RALY: variants seen among roughly 807,000 people sequenced by gnomAD.
The protein encoded by RALY is RALY heterogeneous nuclear ribonucleoprotein.
In RALY, 15 loss-of-function variants were observed where a neutral mutation model predicts 30.7. The observed-to-expected ratio is 0.49, with a 90% confidence interval of 0.33 to 0.75. The LOEUF (loss-of-function observed/expected upper bound fraction) is 0.75. RALY is among the 30% of genes least tolerant of loss of function. The pLI, the probability that RALY is intolerant of heterozygous loss-of-function variation, is 0.02. For synonymous variants in RALY, 177 were observed against 170.8 expected (o/e 1.04, Z -0.28); for missense variants, 339 against 414.3 (o/e 0.82, Z 1.58).
intron 1 of RALY, among the ~76,000 whole-genome samples, chr20:34,021,145 A>T (rs1285957656): frequency 6.6e-6 from 1 of 152,050 alleles, no homozygotes; most frequent in Non-Finnish European, 1.5e-5. Context: ...TATTGTTAGT[A>T]GAGATGGGGT....
At chr20:34,070,109 A>C (rs558788000) in intron 2 of RALY, among the ~76,000 whole-genome samples, 2 of 152,344 alleles carry the variant, frequency 1.3e-5, no homozygotes, top group Admixed American at 1.3e-4. Flanking sequence ...TAAGAGATAC[A>C]GATGTATCTT....
intron 1 of RALY, among the ~76,000 whole-genome samples, chr20:34,020,824 G>A (rs2031791403): frequency 6.6e-6 from 1 of 152,204 alleles, no homozygotes; most frequent in East Asian, 1.9e-4. Flanking sequence ...GAAGATAAAT[G>A]TCAGAACTAG....
At chr20:34,069,965 G>C (rs924108990) in intron 2 of RALY, among the ~76,000 whole-genome samples, 2 of 152,150 alleles carry the variant, frequency 1.3e-5, no homozygotes, top group Non-Finnish European at 2.9e-5. Context: ...AACCCTGGGA[G>C]CAGTTTCTTC....
At position 34,063,110 on chromosome 20, in the gene RALY, G is replaced by T. The variant is rs764975921; in HGVS notation, c.-9-8956G>T. ...CTCTGTCATTTCCTGGCTTGAGCAA[G>T]ACCAGACACCAAGCTTTGGTTTCAT... On this transcript the variant is annotated intron_variant, in intron 2 of 9. Coordinates refer to ENST00000246194, the MANE Select transcript of RALY (RefSeq NM_016732.3). Among the ~76,000 whole-genome samples the T allele has an allele frequency of 6.5e-4, 99 of 152,340 alleles. 1 individual carries two copies. The highest frequency in any genetic ancestry group is 4.0e-4 in the Non-Finnish European group (27 of 68,032).
chr20:34,071,932 T>C, intron 2 of RALY, 134 bp from the exon 3 acceptor site: 1 of 1,007,698 alleles, frequency 9.9e-7, no homozygotes, highest in Non-Finnish European at 1.4e-6. Flanking sequence ...GAAAACAAGA[T>C]GCAGGAACAG....
At chr20:34,024,324 C>T (rs1009993516) in intron 1 of RALY, among the ~76,000 whole-genome samples, 3 of 152,186 alleles carry the variant, frequency 2.0e-5, no homozygotes, top group Non-Finnish European at 2.9e-5. Flanking sequence ...CCAACTGTCT[C>T]ATTAGCATGG....
chr20:33,995,356 C>A (rs537254290), intron 1 of RALY, among the ~76,000 whole-genome samples: 1 of 152,254 alleles, frequency 6.6e-6, no homozygotes, highest in South Asian at 2.1e-4. Context: ...TGGTGTGTTC[C>A]TCCTCCCAGA....
intron 2 of RALY, among the ~76,000 whole-genome samples, chr20:34,058,731 T>A (rs1260024685): frequency 6.6e-6 from 1 of 152,200 alleles, no homozygotes; most frequent in Non-Finnish European, 1.5e-5. Flanking sequence ...TAGTAAGTGC[T>A]GATCCTGGAT....
chr20:34,074,069 C>T lies in RALY; in HGVS notation c.377+203C>T, dbSNP rs117173351. 4.6e-3 allele frequency among the ~76,000 whole-genome samples: 697 copies of T among 152,340 alleles called. 4 individuals are homozygous for T. The highest frequency in any genetic ancestry group is 5.6e-3 in the Non-Finnish European group (382 of 68,028). Reference sequence around the variant, plus strand: ...GGCCAGAGCTCCTACCACCATACAACACTGTCTGCCATGCTAACTGCCCTT... The same window carrying T: ...GGCCAGAGCTCCTACCACCATACAATACTGTCTGCCATGCTAACTGCCCTT... On this transcript the variant is annotated intron_variant, in intron 5 of 9. Coordinates refer to ENST00000246194, the MANE Select transcript of RALY (RefSeq NM_016732.3).
At chr20:34,020,289 C>G (rs544176376) in intron 1 of RALY, among the ~76,000 whole-genome samples, 11 of 152,270 alleles carry the variant, frequency 7.2e-5, no homozygotes, top group Non-Finnish European at 1.5e-4. Flanking sequence ...GGGGAGGAAT[C>G]ATTGGCAAAG....
Position 34,077,104 on chromosome 20 carries a change from TGGTGGC to T in RALY, c.748_753del (p.Gly250_Gly251del), listed in dbSNP as rs762543741. 178 of 1,601,688 alleles carry T rather than the reference TGGTGGC, an allele frequency of 1.1e-4. No individual in the cohort carries two copies. The highest frequency in any genetic ancestry group is 3.7e-4 in the Admixed American group (22 of 59,188). ...GTGGCAGCGGTGGCGGTGGCAGTGGTGGTGGCGGTGGCGGTGGCAGCAGCCGGCCAC... is the reference window on the plus strand; with the variant it reads ...GTGGCAGCGGTGGCGGTGGCAGTGGTGGTGGCGGTGGCAGCAGCCGGCCAC... On this transcript the variant is annotated inframe_deletion, in exon 8 of 10. Coordinates refer to ENST00000246194, the MANE Select transcript of RALY (RefSeq NM_016732.3).
At chr20:33,995,944 C>G (rs937588561) in intron 1 of RALY, among the ~76,000 whole-genome samples, 2 of 152,208 alleles carry the variant, frequency 1.3e-5, no homozygotes, top group East Asian at 1.9e-4. Context: ...ATTGGAAATC[C>G]CAAGGAAGTT....
intron 2 of RALY, among the ~76,000 whole-genome samples, chr20:34,064,465 G>A (rs908700613): frequency 1.3e-5 from 2 of 152,144 alleles, no homozygotes; most frequent in East Asian, 3.9e-4. Flanking sequence ...GGGTGAGAAT[G>A]ACTCAGCAAA....
At position 33,993,981 on chromosome 20, in the gene RALY, AGCGGCG is replaced by A. The variant is rs1300709284; in HGVS notation, c.-239_-234del. On this transcript the variant is annotated 5_prime_UTR_variant, in exon 1 of 10. Coordinates refer to ENST00000246194, the MANE Select transcript of RALY (RefSeq NM_016732.3). Reference sequence around the variant, plus strand: ...AACCCAGAGAAGCTGAGGGGGCGGTAGCGGCGGCGACGGCGACGACGACGACTCCCG... The same window carrying A: ...AACCCAGAGAAGCTGAGGGGGCGGTAGCGACGGCGACGACGACGACTCCCG... The A allele has an allele frequency of 2.0e-5, 3 of 151,886 alleles. No homozygotes were observed. Among genetic ancestry groups the A allele is most frequent in the African/African-American group, 4.8e-5 (2 of 41,404 alleles). The allele number at this position is 151,886 out of a possible 1,614,324, so 9.4% of individuals were successfully genotyped here.
chr20:34,076,444 C>A (rs1159244450), intron 6 of RALY, among the ~76,000 whole-genome samples: 4 of 152,196 alleles, frequency 2.6e-5, no homozygotes, highest in African/African-American at 9.7e-5. Flanking sequence ...ACATACACAC[C>A]TGTGCTCCTG....
chr20:34,072,006 C>T (rs146999408), intron 2 of RALY, 60 bp from the exon 3 acceptor site: 29 of 1,567,970 alleles, frequency 1.8e-5, no homozygotes, highest in Middle Eastern at 1.7e-4. Flanking sequence ...GGATATGGGC[C>T]GTGGGCAGTC....
chr20:34,062,169 A>G (rs967199822), intron 2 of RALY, among the ~76,000 whole-genome samples: 5 of 152,198 alleles, frequency 3.3e-5, no homozygotes, highest in Non-Finnish European at 7.3e-5. Flanking sequence ...CTGGTTCCAC[A>G]GCACCTAGCT....
chr20:34,018,791 G>C (rs1384712971), intron 1 of RALY, among the ~76,000 whole-genome samples: 1 of 152,170 alleles, frequency 6.6e-6, no homozygotes, highest in African/African-American at 2.4e-5. Flanking sequence ...TCTCAATAGA[G>C]GTTCCTTTGC....
chr20:34,048,694 A>G (rs1341509975), intron 2 of RALY, among the ~76,000 whole-genome samples: 1 of 151,222 alleles, frequency 6.6e-6, no homozygotes, highest in Non-Finnish European at 1.5e-5. Context: ...ATCTCCACTA[A>G]AAATACAAAA....
Sources: gnomAD v4.1 joint callset for allele counts (sites outside exome capture counted in the v4.1 genomes callset) on GRCh38, gnomAD v4.1.1 for gene constraint, MANE v1.5 for transcripts, NCBI Gene and HGNC (gene_info 2026-07-23, HGNC 2026-07-21) for gene names.